RALYL: variants seen among roughly 807,000 people sequenced by gnomAD.
RALYL encodes RALY RNA binding protein like.
A neutral mutation model predicts 35.1 loss-of-function variants in RALYL; 29 were observed. The ratio of observed to expected loss-of-function variants is 0.83; its 90% CI spans 0.61 to 1.13. The LOEUF (loss-of-function observed/expected upper bound fraction) is 1.13. Among genes scored for constraint, RALYL ranks in the 50% most tolerant of loss-of-function variants. RALYL has a pLI of 0.00. For synonymous variants in RALYL, 120 were observed against 127.6 expected (o/e 0.94, Z 0.40); for missense variants, 359 against 360.4 (o/e 1.00, Z 0.03).
intron 8 of RALYL, among the ~76,000 whole-genome samples, chr8:84,891,106 T>C (rs987106646): frequency 6.6e-6 from 1 of 152,028 alleles, no homozygotes; most frequent in African/African-American, 2.4e-5. Flanking sequence ...GAGGGAGTGA[T>C]AGAAGTGGGA....
chr8:84,901,795 T>C (rs943631170), intron 8 of RALYL, among the ~76,000 whole-genome samples: 2 of 152,132 alleles, frequency 1.3e-5, no homozygotes, highest in African/African-American at 4.8e-5. Context: ...GAGACTCTTA[T>C]TTGATTAATA....
intron 4 of RALYL, among the ~76,000 whole-genome samples, chr8:84,844,766 A>G (rs1426900849): frequency 6.6e-6 from 1 of 152,250 alleles, no homozygotes; most frequent in Non-Finnish European, 1.5e-5. Flanking sequence ...TGGCACATAT[A>G]CAGCATGGAA....
intron 1 of RALYL, among the ~76,000 whole-genome samples, chr8:84,404,860 G>A (rs2043297939): frequency 6.6e-6 from 1 of 151,930 alleles, no homozygotes. Flanking sequence ...ACTTGTTATT[G>A]GACCTAATAG....
chr8:84,747,062 T>C (rs1808774392), intron 2 of RALYL, among the ~76,000 whole-genome samples: 1 of 151,862 alleles, frequency 6.6e-6, no homozygotes, highest in Admixed American at 6.6e-5. Flanking sequence ...ATAAAAAAAG[T>C]CTGCAAGAGA....
At position 84,343,436 on chromosome 8, in the gene RALYL, A is replaced by G. The variant is rs530134488; in HGVS notation, c.-24+159012A>G. 1.2e-4 allele frequency among the ~76,000 whole-genome samples: 19 copies of G among 152,154 alleles called. No individual in the cohort carries two copies. The South Asian group carries it at 3.5e-3, about 28-fold the overall frequency. On this transcript the variant is annotated intron_variant, in intron 1 of 8. Coordinates refer to ENST00000521268, the MANE Select transcript of RALYL (RefSeq NM_173848.7). ...CAGCAAAGAATCATCCAAATAATAC[A>G]AAATTGAAAAACTGGAAGGCTAAAC...
intron 4 of RALYL, among the ~76,000 whole-genome samples, chr8:84,819,072 C>G (rs1827948515): frequency 6.6e-6 from 1 of 152,082 alleles, no homozygotes; most frequent in South Asian, 2.1e-4. Context: ...TTCTCTATGT[C>G]TGCAGGGAAA....
intron 2 of RALYL, among the ~76,000 whole-genome samples, chr8:84,533,719 G>C (rs1003424656): frequency 6.6e-6 from 1 of 152,154 alleles, no homozygotes; most frequent in Admixed American, 6.5e-5. Flanking sequence ...GTATCACATT[G>C]TAAGTGTCTT....
At chr8:84,575,369 ACTTT>A (rs1418796650) in intron 2 of RALYL, among the ~76,000 whole-genome samples, 6 of 152,334 alleles carry the variant, frequency 3.9e-5, no homozygotes, top group Non-Finnish European at 7.4e-5. Flanking sequence ...TGAAAGACTT[ACTTT>A]CTTCTATAGA....
chr8:84,728,103 G>T (rs1224387156), intron 2 of RALYL, among the ~76,000 whole-genome samples: 1 of 151,354 alleles, frequency 6.6e-6, no homozygotes, highest in Non-Finnish European at 1.5e-5. Flanking sequence ...GTGTAAAAGT[G>T]TTCCTATTTC....
chr8:84,852,688 C>T (rs1053304532), intron 5 of RALYL, among the ~76,000 whole-genome samples: 6 of 152,096 alleles, frequency 3.9e-5, no homozygotes, highest in Non-Finnish European at 8.8e-5. Context: ...TGGTTGTTAC[C>T]GGAAAGGGGT....
At chr8:84,695,558 A>G (rs923544270) in intron 2 of RALYL, among the ~76,000 whole-genome samples, 2 of 151,824 alleles carry the variant, frequency 1.3e-5, no homozygotes, top group Admixed American at 6.6e-5. Context: ...TATGAATCAC[A>G]TATCTATTAT....
chr8:84,862,436 G>A lies in RALYL; in HGVS notation c.554G>A (p.Gly185Glu). 6.3e-7 allele frequency: 1 copy of A among 1,597,828 alleles called. No individual in the cohort carries two copies. The highest frequency in any genetic ancestry group is 8.5e-7 in the Non-Finnish European group (1 of 1,173,754). ...MKGGSRSTAS[G>E]STGSKLKSDE... is the part of the protein sequence containing the mutation. The stretch of plus-strand genomic sequence containing the variant: ...GGTGGATCGAGATCTACTGCCAGTG[G>A]GTCAACAGGTTCTAAATGTAAGTAA... Residue 185 changes from glycine to glutamate, a missense_variant, in exon 6 of 9, where the codon GGG (glycine) becomes GAG (glutamate). Transcript: ENST00000521268.
rs200896745 is a variant in RALYL, at chr8:84,755,873, T to TAA, written c.257-18693_257-18692dup. Among the ~76,000 whole-genome samples the TAA allele has an allele frequency of 1.2e-4, 18 of 145,328 alleles. No homozygotes were observed. The East Asian group carries it at 2.4e-3, about 19-fold the overall frequency. On this transcript the variant is annotated intron_variant, in intron 2 of 8. Coordinates refer to ENST00000521268, the MANE Select transcript of RALYL (RefSeq NM_173848.7). ...AAAAAAGGCAAAATGTGGCATATTG[T>TAA]AAAAAAAAAAAAAATCCTCTTACCA...
At chr8:84,433,977 C>G (rs1363315508) in intron 1 of RALYL, among the ~76,000 whole-genome samples, 1 of 151,888 alleles carries the variant, frequency 6.6e-6, no homozygotes, top group Non-Finnish European at 1.5e-5. Context: ...CTTCCCTTCT[C>G]AAGGGAAGGT....
chr8:84,802,528 C>T (rs1586386018), intron 3 of RALYL, among the ~76,000 whole-genome samples: 1 of 152,094 alleles, frequency 6.6e-6, no homozygotes, highest in East Asian at 1.9e-4. Context: ...TCATACTAAC[C>T]ACAGGGGGCA....
intron 2 of RALYL, among the ~76,000 whole-genome samples, chr8:84,669,644 T>C (rs1003279159): frequency 7.2e-5 from 11 of 152,046 alleles, no homozygotes; most frequent in African/African-American, 2.7e-4. Flanking sequence ...CTGAGCATGC[T>C]GTTGATCAAG....
At chr8:84,457,086 C>A (rs1298700668) in intron 1 of RALYL, among the ~76,000 whole-genome samples, 1 of 151,938 alleles carries the variant, frequency 6.6e-6, no homozygotes, top group Non-Finnish European at 1.5e-5. Flanking sequence ...CCCCTTTTCA[C>A]AGGCAAGCAC....
At chr8:84,614,038 A>C (rs1402923142) in intron 2 of RALYL, among the ~76,000 whole-genome samples, 2 of 151,274 alleles carry the variant, frequency 1.3e-5, no homozygotes, top group Non-Finnish European at 2.9e-5. Flanking sequence ...AGAATAACTA[A>C]ATTGTTAGGC....
intron 1 of RALYL, among the ~76,000 whole-genome samples, chr8:84,398,446 A>G (rs952200890): frequency 1.3e-5 from 2 of 152,198 alleles, no homozygotes; most frequent in African/African-American, 4.8e-5. Flanking sequence ...TCTTTCAATA[A>G]ATATTGTGAA....
Sources: gnomAD v4.1 joint callset for allele counts (sites outside exome capture counted in the v4.1 genomes callset) on GRCh38, gnomAD v4.1.1 for gene constraint, MANE v1.5 for transcripts, NCBI Gene and HGNC (gene_info 2026-07-23, HGNC 2026-07-21) for gene names.